The following ATP2B4 variants were observed in gnomAD, a reference collection of about 807,000 sequenced individuals.
ATP2B4 encodes ATPase plasma membrane Ca2+ transporting 4.
Under a neutral mutation model 110.3 loss-of-function variants are expected in ATP2B4, and 39 were observed. The observed-to-expected ratio is 0.35, with a 90% CI of 0.27 to 0.46. The LOEUF (loss-of-function observed/expected upper bound fraction) is 0.46. Ranked by LOEUF, ATP2B4 falls within the 20% of genes least tolerant of loss-of-function variation. The probability of loss-of-function intolerance (pLI) is 1.00; values close to 1 mark genes in which losing one functional copy is unlikely to be tolerated. For missense variants in ATP2B4, 1,135 were observed against 1,530.9 expected, an observed-to-expected ratio of 0.74 and a Z score of 4.32; for synonymous variants, 538 against 571.7, an observed-to-expected ratio of 0.94 and a Z score of 0.84.
chr1:203,688,066 C>T (rs918092663), intron 2 of ATP2B4, among the ~76,000 whole-genome samples: 1 of 150,390 alleles, frequency 6.6e-6, no homozygotes, highest in Admixed American at 6.7e-5. Flanking sequence ...CTCTGTCACC[C>T]AGGCTGGAGT....
chr1:203,729,744 G>C, intron 20 of ATP2B4: 1 of 1,351,194 alleles, frequency 7.4e-7, no homozygotes, highest in Non-Finnish European at 9.9e-7. Context: ...CGTGTTGCTG[G>C]CCTCACATCC....
At chr1:203,628,543 G>T (rs951944847) in intron 1 of ATP2B4, among the ~76,000 whole-genome samples, 2 of 152,176 alleles carry the variant, frequency 1.3e-5, no homozygotes, top group African/African-American at 4.8e-5. Flanking sequence ...GGAAAGGAGT[G>T]GGGGAGGGAA....
At chr1:203,673,712 T>C (rs1664742206) in intron 1 of ATP2B4, among the ~76,000 whole-genome samples, 1 of 152,162 alleles carries the variant, frequency 6.6e-6, no homozygotes, top group South Asian at 2.1e-4. Context: ...GAATGTTGTT[T>C]TAAGTCCTCT....
intron 1 of ATP2B4, among the ~76,000 whole-genome samples, chr1:203,676,417 A>T (rs1023670906): frequency 3.3e-5 from 5 of 152,126 alleles, no homozygotes; most frequent in Admixed American, 2.6e-4. Flanking sequence ...TGTGATAAGG[A>T]GGCGGGCAGA....
At position 203,686,685 on chromosome 1, in the gene ATP2B4, C is replaced by CTTTTTTTTTTTTTTTTTTTTTTTTTT. The variant is rs779048789; in HGVS notation, c.193+3288_193+3313dup. ...CCTGGTGTTTTTCTTTCTTTTCTTT[C>CTTTTTTTTTTTTTTTTTTTTTTTTTT]TTTTTTTTTTTTTTTTTTTTTTTTT... On this transcript the variant is annotated intron_variant, in intron 2 of 20. Transcript: ENST00000357681. Among the ~76,000 whole-genome samples the CTTTTTTTTTTTTTTTTTTTTTTTTTT allele has an allele frequency of 2.6e-4, 11 of 42,782 alleles. 1 individual carries two copies. The highest frequency in any genetic ancestry group is 2.2e-3 in the East Asian group (1 of 462). 28.1% of individuals were successfully genotyped at this position (42,782 alleles called of 152,430 possible).
intron 1 of ATP2B4, among the ~76,000 whole-genome samples, chr1:203,634,306 T>C (rs577775966): frequency 6.6e-6 from 1 of 152,316 alleles, no homozygotes; most frequent in South Asian, 2.1e-4. Flanking sequence ...ATTCCTTCTG[T>C]CTACTGAAAC....
chr1:203,694,032 C>T (rs1286890339), intron 2 of ATP2B4, among the ~76,000 whole-genome samples: 3 of 152,160 alleles, frequency 2.0e-5, no homozygotes, highest in Non-Finnish European at 4.4e-5. Flanking sequence ...TAGTCATACC[C>T]CTGCCAGGCC....
At chr1:203,638,945 C>T (rs916815283) in intron 1 of ATP2B4, among the ~76,000 whole-genome samples, 1 of 152,242 alleles carries the variant, frequency 6.6e-6, no homozygotes, top group African/African-American at 2.4e-5. Context: ...TAACAGTCCC[C>T]TCCATGGCTC....
chr1:203,687,914 A>C (rs1665245659), intron 2 of ATP2B4, among the ~76,000 whole-genome samples: 1 of 152,052 alleles, frequency 6.6e-6, no homozygotes, highest in African/African-American at 2.4e-5. Context: ...GAAGGCATGA[A>C]ATATTCCATC....
chr1:203,709,599 GGT>G, intron 11 of ATP2B4, 57 bp downstream of exon 11: 1 of 1,607,064 alleles, frequency 6.2e-7, no homozygotes, highest in South Asian at 1.1e-5. Context: ...GGAAGGCATG[GGT>G]GCACACCCCA....
At chr1:203,654,094 C>T (rs139215265) in intron 1 of ATP2B4, among the ~76,000 whole-genome samples, 108 of 151,198 alleles carry the variant, frequency 7.1e-4, no homozygotes, top group African/African-American at 1.5e-3. Flanking sequence ...AGCAATTCTC[C>T]TGTCTCAGCC....
chr1:203,733,257 CTTTTAAGGGAG>C, intron 20 of ATP2B4: 1 of 1,613,826 alleles, frequency 6.2e-7, no homozygotes, highest in Non-Finnish European at 8.5e-7. Context: ...ACGGGAGCCT[CTTTTAAGGGAG>C]TCCTAAGGCG....
intron 1 of ATP2B4, among the ~76,000 whole-genome samples, chr1:203,627,849 C>T (rs956312438): frequency 1.3e-5 from 2 of 152,236 alleles, no homozygotes; most frequent in East Asian, 3.9e-4. Flanking sequence ...GAAACCTCAG[C>T]AGTTTCTCTG....
In ATP2B4 at chr1:203,700,312, A is replaced by T. The variant is rs1256425407; in HGVS notation, c.756A>T (p.Lys252Asn). 1 of 1,613,422 alleles carries T rather than the reference A, an allele frequency of 6.2e-7. No homozygotes were observed. Among genetic ancestry groups the T allele is most frequent in the African/African-American group, 1.3e-5 (1 of 74,870 alleles). ...ESDHVKKSLD[K>N]DPMLLSGTHV... is the part of the protein sequence containing the mutation. ...ACCATGTCAAGAAGTCCCTGGACAA[A>T]GACCCCATGTTGCTCTCAGGTATAG... is the stretch of plus-strand genomic sequence containing the variant. Residue 252 changes from lysine (K) to asparagine (N), a missense_variant, in exon 5 of 21, where the codon AAA becomes AAT. By Grantham distance (94) the Lys-to-Asn change is moderately conservative. This residue lies in a region of ATP2B4 where 162 missense variants were observed against 210.5 expected (regional missense o/e 0.77). Transcript: ENST00000357681.
At chr1:203,733,425 A>G (rs898063699) in intron 20 of ATP2B4, 6 of 1,583,954 alleles carry the variant, frequency 3.8e-6, no homozygotes, top group African/African-American at 1.3e-5. Flanking sequence ...ATTATGATGC[A>G]TGATTTGCTA....
chr1:203,725,904 CTTTT>C (rs756184004), intron 19 of ATP2B4, among the ~76,000 whole-genome samples: 1 of 93,382 alleles, frequency 1.1e-5, no homozygotes, highest in Admixed American at 1.5e-4. Context: ...CTTTTCTTTT[CTTTT>C]TTTTTTTTTT....
chr1:203,663,788 G>T (rs527292026), intron 1 of ATP2B4, among the ~76,000 whole-genome samples: 2 of 152,138 alleles, frequency 1.3e-5, no homozygotes, highest in Non-Finnish European at 2.9e-5. Flanking sequence ...ATTTTTTGTA[G>T]AGACGGTGTC....
In ATP2B4 at chr1:203,722,507, A is replaced by G; in HGVS notation, c.2842A>G (p.Arg948Gly). The change falls in exon 18 of 21, where the codon AGG (arginine) becomes GGG (glycine). Residue 948 changes from arginine (R) to glycine (G), a missense_variant. Physicochemically the swap from Arg to Gly is moderately radical, Grantham distance 125 (BLOSUM62 -2). Around this residue, in one of 9 missense-constraint regions of ATP2B4, gnomAD observed 155 missense variants for 186.2 expected, o/e 0.83. Coordinates refer to ENST00000357681, the MANE Select transcript of ATP2B4 (RefSeq NM_001684.5). ...GAAATTCTTTGATATTGATAGTGGG[A>G]GGAAGGCACCTCTACATTCACCACC... ...GEKFFDIDSG[R>G]KAPLHSPPSQ... 1.9e-6 allele frequency: 3 copies of G among 1,614,038 alleles called. No individual in the cohort carries two copies. The highest frequency in any genetic ancestry group is 2.5e-6 in the Non-Finnish European group (3 of 1,179,890).
chr1:203,636,652 G>A (rs1663447525), intron 1 of ATP2B4, among the ~76,000 whole-genome samples: 1 of 152,176 alleles, frequency 6.6e-6, no homozygotes, highest in Non-Finnish European at 1.5e-5. Flanking sequence ...CTGGACTCTT[G>A]TCTGCTGTGT....
Sources: gnomAD v4.1 joint callset for allele counts (sites outside exome capture counted in the v4.1 genomes callset) on GRCh38, gnomAD v4.1.1 for gene constraint, gnomAD v4.1.1 regional missense constraint, MANE v1.5 for transcripts, NCBI Gene and HGNC (gene_info 2026-07-23, HGNC 2026-07-21) for gene names.